Variants in TMEM192 observed in about 807,000 individuals in gnomAD.
The protein encoded by TMEM192 is transmembrane protein 192.
Under a neutral mutation model 26.7 loss-of-function variants are expected in TMEM192, and 20 were observed. That is an observed-to-expected ratio of 0.75 (90% CI 0.53 to 1.09). The LOEUF is 1.09. Among genes scored for constraint, TMEM192 ranks in the 50% least tolerant of loss-of-function variants. The pLI is 0.00. For missense variants in TMEM192, 304 were observed against 322.6 expected (o/e 0.94, Z 0.44); for synonymous variants, 124 against 121.0 (o/e 1.02, Z -0.16).
At chr4:165,087,907 T>C (rs191783065) in intron 4 of TMEM192, among the ~76,000 whole-genome samples, 6 of 152,214 alleles carry the variant, frequency 3.9e-5, no homozygotes, top group African/African-American at 4.8e-5. Flanking sequence ...TTTGTGGATG[T>C]TTTTGTTGTT....
chr4:165,107,105 A>G (rs1289309972), intron 1 of TMEM192, among the ~76,000 whole-genome samples: 2 of 150,676 alleles, frequency 1.3e-5, no homozygotes, highest in African/African-American at 4.9e-5. Context: ...GCTCACTGCA[A>G]CCTCTGCTTC....
At chr4:165,085,765 G>C in intron 4 of TMEM192, 77 bp from the exon 5 acceptor site, 1 of 1,105,534 alleles carries the variant, frequency 9.0e-7, no homozygotes, top group East Asian at 2.4e-5. Context: ...ATGCTAATTT[G>C]CCGTTCTTAT....
intron 1 of TMEM192, among the ~76,000 whole-genome samples, chr4:165,110,998 C>T (rs1312773441): frequency 3.3e-5 from 5 of 152,226 alleles, no homozygotes; most frequent in African/African-American, 1.2e-4. Context: ...GGCTAGGAAT[C>T]ATGTTTACAA....
intron 3 of TMEM192, among the ~76,000 whole-genome samples, chr4:165,094,481 A>T (rs534687965): frequency 6.6e-6 from 1 of 152,170 alleles, no homozygotes; most frequent in African/African-American, 2.4e-5. Context: ...AACAGGGAGA[A>T]ACCCCATCTC....
At chr4:165,101,507 C>T (rs1007079544) in intron 2 of TMEM192, among the ~76,000 whole-genome samples, 1 of 152,140 alleles carries the variant, frequency 6.6e-6, no homozygotes, top group African/African-American at 2.4e-5. Flanking sequence ...GCTGGAACTA[C>T]AGGCCTGTGC....
chr4:165,092,365 G>A (rs750188019), intron 3 of TMEM192, among the ~76,000 whole-genome samples: 12 of 152,100 alleles, frequency 7.9e-5, no homozygotes, highest in South Asian at 2.1e-4. Flanking sequence ...CAAGTGATCC[G>A]CGAGCCTCGG....
In TMEM192 at chr4:165,070,748, C is replaced by T. The variant is rs576595112; in HGVS notation, c.*8910G>A. The T allele has an allele frequency of 5.3e-5, 8 of 152,302 alleles. No individual in the cohort carries two copies. Among genetic ancestry groups the T allele is most frequent in the African/African-American group, 1.9e-4 (8 of 41,562 alleles). 9.4% of individuals were successfully genotyped at this position (152,302 alleles called of 1,614,324 possible). ...GAAAGTGAAAACAGAGCCCAGGTTA[C>T]AGCTGGATTACAGGAACAGGCTTTG... On this transcript the variant is annotated 3_prime_UTR_variant, in exon 6 of 6. Transcript: ENST00000306480.
chr4:165,074,595 C>T lies in TMEM192; in HGVS notation c.*5063G>A, dbSNP rs966903669. 2.0e-4 allele frequency: 30 copies of T among 152,122 alleles called. No individual in the cohort carries two copies. The highest frequency in any genetic ancestry group is 6.3e-4 in the African/African-American group (26 of 41,396). The allele number at this position is 152,122 out of a possible 1,614,324, so 9.4% of individuals were successfully genotyped here. A position where few individuals can be genotyped will look rare whatever the true frequency, so the allele number is the denominator to read the frequency against. ...CTGAGTAGCTGGGATTACAGGTGCACTTCACTGCACCTGGCTATTTTGTAT... is the reference window on the plus strand; with the variant it reads ...CTGAGTAGCTGGGATTACAGGTGCATTTCACTGCACCTGGCTATTTTGTAT... On this transcript the variant is annotated 3_prime_UTR_variant, in exon 6 of 6. Coordinates refer to ENST00000306480, the MANE Select transcript of TMEM192 (RefSeq NM_001100389.2).
At chr4:165,088,857 A>G (rs906264803) in intron 3 of TMEM192, among the ~76,000 whole-genome samples, 10 of 151,664 alleles carry the variant, frequency 6.6e-5, no homozygotes, top group Admixed American at 1.3e-4. Context: ...TAGGCAACAT[A>G]GCAAGACCCC....
At chr4:165,081,416 C>A (rs1336780320) in intron 5 of TMEM192, among the ~76,000 whole-genome samples, 17 of 145,776 alleles carry the variant, frequency 1.2e-4, no homozygotes, top group Non-Finnish European at 6.0e-5. Context: ...CGGAAACTTG[C>A]TCTGTTGCCC....
intron 3 of TMEM192, among the ~76,000 whole-genome samples, chr4:165,097,529 A>G (rs1734939336): frequency 6.7e-6 from 1 of 148,542 alleles, no homozygotes; most frequent in Non-Finnish European, 1.5e-5. Flanking sequence ...AAAATGCACT[A>G]ACAGAACAGA....
rs758942934 is a variant in TMEM192, at chr4:165,100,646, A to G, written c.421T>C (p.Leu141=). Residue 141 remains leucine (L), a synonymous_variant, in exon 3 of 6, where the codon TTG becomes CTG. Coordinates refer to ENST00000306480, the MANE Select transcript of TMEM192 (RefSeq NM_001100389.2). ...RSTRHLKRLA[L]MIQSSGNTVL... ...GACATACCAGAGGACTGTATCATCA[A>G]CGCAAGTCTCTTGAGATGCCTTGTT... 11 of 1,614,084 alleles carry G rather than the reference A, an allele frequency of 6.8e-6. 1 individual carries two copies. The highest frequency in any genetic ancestry group is 9.3e-6 in the Non-Finnish European group (11 of 1,180,042).
chr4:165,090,957 G>C (rs1734747410), intron 3 of TMEM192, among the ~76,000 whole-genome samples: 1 of 140,852 alleles, frequency 7.1e-6, no homozygotes, highest in Admixed American at 7.5e-5. Flanking sequence ...TATATAGCTG[G>C]TAGGTCAGAA....
intron 3 of TMEM192, among the ~76,000 whole-genome samples, chr4:165,093,394 CAA>C: frequency 6.6e-6 from 1 of 151,618 alleles, no homozygotes; most frequent in African/African-American, 2.4e-5. Context: ...CGCGCCTGGC[CAA>C]TACAGTTTTA....
chr4:165,090,926 A>AAAAAAAAAAG (rs1734745474), intron 3 of TMEM192, among the ~76,000 whole-genome samples: 1 of 149,712 alleles, frequency 6.7e-6, no homozygotes, highest in Admixed American at 6.7e-5. Flanking sequence ...AAAAAAAAAA[A>AAAAAAAAAAG]AAAGGTCATA....
chr4:165,084,426 T>C (rs1374789813), intron 5 of TMEM192, among the ~76,000 whole-genome samples: 2 of 151,618 alleles, frequency 1.3e-5, no homozygotes, highest in East Asian at 2.0e-4. Flanking sequence ...CTTGAACTCC[T>C]GACCTCAGGT....
At position 165,077,641 on chromosome 4, in the gene TMEM192, A is replaced by C. The variant is rs1734415010; in HGVS notation, c.*2017T>G. ...GTGCCTGTAATCCCAGCTACTCAGC[A>C]GGCTGAGGTAGGAGAATTTCTTAAT... On this transcript the variant is annotated 3_prime_UTR_variant, in exon 6 of 6. Coordinates refer to ENST00000306480, the MANE Select transcript of TMEM192 (RefSeq NM_001100389.2). 1 of 152,260 alleles carries C rather than the reference A, an allele frequency of 6.6e-6. No homozygotes were observed. The highest frequency in any genetic ancestry group is 2.1e-4 in the South Asian group (1 of 4,830). 9.4% of individuals were successfully genotyped at this position (152,260 alleles called of 1,614,324 possible). A position where few individuals can be genotyped will look rare whatever the true frequency, so the allele number is the denominator to read the frequency against.
rs942836977 is a variant in TMEM192 at position 165,076,074 on chromosome 4, G to A, written c.*3584C>T. 6.6e-6 allele frequency: 1 copy of A among 151,470 alleles called. No individual in the cohort carries two copies. Among genetic ancestry groups the A allele is most frequent in the Admixed American group, 6.6e-5 (1 of 15,184 alleles). 9.4% of individuals were successfully genotyped at this position (151,470 alleles called of 1,614,324 possible). A position where few individuals can be genotyped will look rare whatever the true frequency, so the allele number is the denominator to read the frequency against. On this transcript the variant is annotated 3_prime_UTR_variant, in exon 6 of 6. Coordinates refer to ENST00000306480, the MANE Select transcript of TMEM192 (RefSeq NM_001100389.2). ...AAGTGTACATTGGTATAATCCCTTG[G>A]TAGTGAGATTTCAAATAATTGTTTT...
At position 165,072,473 on chromosome 4, in the gene TMEM192, C is replaced by A. The variant is rs1356097008; in HGVS notation, c.*7185G>T. The stretch of plus-strand genomic sequence containing the variant: ...TCAGGAGGCTGAAGCAAGAGAATCA[C>A]TTGAACCTGGGAGGCGGAGGTTGCA... On this transcript the variant is annotated 3_prime_UTR_variant, in exon 6 of 6. Coordinates refer to ENST00000306480, the MANE Select transcript of TMEM192 (RefSeq NM_001100389.2). The A allele has an allele frequency of 1.3e-5, 2 of 151,352 alleles. No individual in the cohort carries two copies. The highest frequency in any genetic ancestry group is 2.9e-5 in the Non-Finnish European group (2 of 68,038). 9.4% of individuals were successfully genotyped at this position (151,352 alleles called of 1,614,324 possible). A position where few individuals can be genotyped will look rare whatever the true frequency, so the allele number is the denominator to read the frequency against.
Sources: gnomAD v4.1 joint callset for allele counts (sites outside exome capture counted in the v4.1 genomes callset) on GRCh38, gnomAD v4.1.1 for gene constraint, MANE v1.5 for transcripts, NCBI Gene and HGNC (gene_info 2026-07-23, HGNC 2026-07-21) for gene names.